Variants in GPR158 observed in about 807,000 individuals in gnomAD.
GPR158 encodes metabotropic glycine receptor.
A neutral mutation model predicts 78.2 loss-of-function variants in GPR158; 30 were observed. The ratio of observed to expected loss-of-function variants is 0.38; its 90% CI spans 0.29 to 0.52. The LOEUF is 0.52. GPR158 is among the 20% of genes least tolerant of loss of function. The probability of loss-of-function intolerance (pLI) is 0.83; values close to 1 mark genes in which losing one functional copy is unlikely to be tolerated. For synonymous variants in GPR158, 581 were observed against 591.1 expected, an observed-to-expected ratio of 0.98 and a Z score of 0.25; for missense variants, 1,463 against 1,523.5, an observed-to-expected ratio of 0.96 and a Z score of 0.66.
At chr10:25,235,163 G>A (rs768871705) in intron 2 of GPR158, among the ~76,000 whole-genome samples, 1 of 152,114 alleles carries the variant, frequency 6.6e-6, no homozygotes, top group Admixed American at 6.5e-5. Flanking sequence ...TTTTCTCTTT[G>A]GTGAGAATTG....
intron 2 of GPR158, among the ~76,000 whole-genome samples, chr10:25,368,421 CAAAGACATGAAT>C (rs1045513263): frequency 1.3e-5 from 2 of 151,706 alleles, no homozygotes; most frequent in African/African-American, 4.8e-5. Flanking sequence ...AAAAGTGGGC[CAAAGACATGAAT>C]AAACACTTTT....
At chr10:25,491,700 T>C (rs943374203) in intron 5 of GPR158, among the ~76,000 whole-genome samples, 3 of 152,192 alleles carry the variant, frequency 2.0e-5, no homozygotes, top group Non-Finnish European at 2.9e-5. Context: ...ATGAGCATGG[T>C]AAAAAATACC....
chr10:25,453,189 A>C (rs528566746), intron 4 of GPR158, among the ~76,000 whole-genome samples: 3 of 152,322 alleles, frequency 2.0e-5, no homozygotes, highest in Admixed American at 2.0e-4. Context: ...TGAACATGGG[A>C]GTGCAGATAC....
At chr10:25,515,703 C>A (rs1283474609) in intron 5 of GPR158, among the ~76,000 whole-genome samples, 34 of 148,806 alleles carry the variant, frequency 2.3e-4, no homozygotes, top group Non-Finnish European at 4.9e-4. Flanking sequence ...ATGAACTCAT[C>A]CTTTTTTATG....
rs373942299 is a variant in GPR158, at chr10:25,547,892, G to C, written c.1405-3084G>C. Among the ~76,000 whole-genome samples the C allele has an allele frequency of 8.5e-5, 13 of 152,256 alleles. No homozygotes were observed. In the South Asian group the frequency reaches 2.7e-3, roughly 31 times the overall value. On this transcript the variant is annotated intron_variant, in intron 5 of 10. Transcript: ENST00000376351. Reference sequence around the variant, plus strand: ...TGCTTAATTTAGTGTCTAGCATATAGTAAGTGTTGCCTAAATATTTAGTGA... The same window carrying C: ...TGCTTAATTTAGTGTCTAGCATATACTAAGTGTTGCCTAAATATTTAGTGA...
At chr10:25,570,968 ATTATT>A (rs1223125477) in intron 6 of GPR158, among the ~76,000 whole-genome samples, 4 of 152,178 alleles carry the variant, frequency 2.6e-5, no homozygotes, top group Non-Finnish European at 4.4e-5. Flanking sequence ...ATCATGTATA[ATTATT>A]TTATTTAATA....
chr10:25,257,569 A>T (rs1341198170), intron 2 of GPR158, among the ~76,000 whole-genome samples: 1 of 152,246 alleles, frequency 6.6e-6, no homozygotes, highest in Admixed American at 6.5e-5. Flanking sequence ...TTTTCTAATC[A>T]TCAGAAGAAA....
chr10:25,272,447 C>T (rs1192658406), intron 2 of GPR158, among the ~76,000 whole-genome samples: 4 of 152,156 alleles, frequency 2.6e-5, no homozygotes, highest in Admixed American at 1.3e-4. Context: ...GCTTCCCTCT[C>T]CTTCTTCACC....
At chr10:25,212,369 G>A (rs1170114331) in intron 1 of GPR158, among the ~76,000 whole-genome samples, 4 of 152,064 alleles carry the variant, frequency 2.6e-5, no homozygotes, top group South Asian at 2.1e-4. Context: ...CGGAACTTAC[G>A]AGAACATACT....
chr10:25,293,325 T>C (rs1263280052), intron 2 of GPR158, among the ~76,000 whole-genome samples: 1 of 152,196 alleles, frequency 6.6e-6, no homozygotes, highest in Non-Finnish European at 1.5e-5. Flanking sequence ...AAACTGAACC[T>C]GGTTTCTGAC....
intron 2 of GPR158, among the ~76,000 whole-genome samples, chr10:25,270,321 C>T (rs1854101174): frequency 6.6e-6 from 1 of 152,044 alleles, no homozygotes; most frequent in African/African-American, 2.4e-5. Context: ...TTCACCTGAA[C>T]AGTTTGATTT....
At chr10:25,280,460 A>C (rs1318239271) in intron 2 of GPR158, among the ~76,000 whole-genome samples, 2 of 152,240 alleles carry the variant, frequency 1.3e-5, no homozygotes, top group Admixed American at 1.3e-4. Flanking sequence ...AGATAGCTTT[A>C]AGTTATGTAA....
chr10:25,562,595 T>A (rs1219729123), intron 6 of GPR158, among the ~76,000 whole-genome samples: 8 of 152,218 alleles, frequency 5.3e-5, no homozygotes, highest in African/African-American at 1.9e-4. Flanking sequence ...GTGTTCCTTC[T>A]GTTATTGATT....
At chr10:25,369,234 C>T (rs1392440422) in intron 2 of GPR158, among the ~76,000 whole-genome samples, 1 of 150,142 alleles carries the variant, frequency 6.7e-6, no homozygotes, top group Non-Finnish European at 1.5e-5. Context: ...GAGGGCATCC[C>T]TGTCTTGTGC....
At chr10:25,207,743 A>G (rs1853064318) in intron 1 of GPR158, among the ~76,000 whole-genome samples, 1 of 152,094 alleles carries the variant, frequency 6.6e-6, no homozygotes, top group Non-Finnish European at 1.5e-5. Flanking sequence ...ATAAAGTTAT[A>G]TTTACTACTA....
At chr10:25,266,232 C>G (rs1376877352) in intron 2 of GPR158, among the ~76,000 whole-genome samples, 2 of 152,132 alleles carry the variant, frequency 1.3e-5, no homozygotes, top group Non-Finnish European at 2.9e-5. Context: ...GAAGTTATCT[C>G]TGTCTGAAAT....
intron 2 of GPR158, among the ~76,000 whole-genome samples, chr10:25,337,432 T>G (rs992009141): frequency 6.6e-6 from 1 of 152,128 alleles, no homozygotes; most frequent in African/African-American, 2.4e-5. Context: ...CTGGCTTTTT[T>G]TGCGTAACAG....
intron 5 of GPR158, among the ~76,000 whole-genome samples, chr10:25,521,700 A>G (rs1243742449): frequency 6.6e-6 from 1 of 152,226 alleles, no homozygotes; most frequent in African/African-American, 2.4e-5. Flanking sequence ...GCTGGTCAGT[A>G]AAACATGGAA....
chr10:25,324,754 T>C (rs1211284108), intron 2 of GPR158, among the ~76,000 whole-genome samples: 1 of 152,098 alleles, frequency 6.6e-6, no homozygotes, highest in Non-Finnish European at 1.5e-5. Flanking sequence ...TCTGCCTGTG[T>C]GTCTTCTTCT....
Sources: gnomAD v4.1 joint callset for allele counts (sites outside exome capture counted in the v4.1 genomes callset) on GRCh38, gnomAD v4.1.1 for gene constraint, MANE v1.5 for transcripts, NCBI Gene and HGNC (gene_info 2026-07-23, HGNC 2026-07-21) for gene names.